CLMN: variants seen among roughly 807,000 people sequenced by gnomAD.
The protein encoded by CLMN is calmin, also known as calmin (calponin-like, transmembrane).
CLMN carries 57 observed loss-of-function variants against 92.7 expected under a neutral mutation model. The observed-to-expected ratio is 0.61, with a 90% confidence interval of 0.50 to 0.77. The LOEUF (loss-of-function observed/expected upper bound fraction) is 0.77. Ranked by LOEUF, CLMN falls within the 30% of genes least tolerant of loss-of-function variation. The pLI, the probability that CLMN is intolerant of heterozygous loss-of-function variation, is 0.00. For missense variants in CLMN, 1,158 were observed against 1,237.5 expected (o/e 0.94, Z 0.96); for synonymous variants, 466 against 470.6 (o/e 0.99, Z 0.13).
At chr14:95,217,168 A>T (rs1453391295) in intron 4 of CLMN, among the ~76,000 whole-genome samples, 1 of 152,242 alleles carries the variant, frequency 6.6e-6, no homozygotes, top group Non-Finnish European at 1.5e-5. Flanking sequence ...GAGAAAGAGA[A>T]AGTCAAGATA....
At chr14:95,235,280 C>A (rs1013342015) in intron 1 of CLMN, among the ~76,000 whole-genome samples, 2 of 152,230 alleles carry the variant, frequency 1.3e-5, no homozygotes, top group African/African-American at 4.8e-5. Context: ...GGACTCCAGA[C>A]CTACTGCCTC....
Position 95,319,724 on chromosome 14 carries a change from C to T in CLMN, c.69G>A (p.Val23=). The T allele has an allele frequency of 6.3e-7, 1 of 1,598,694 alleles. No homozygotes were observed. Among genetic ancestry groups the T allele is most frequent in the African/African-American group, 1.4e-5 (1 of 73,842 alleles). ...GGGCTGCGTTACCTTGCAGGTTCTG[C>T]ACTCGGATGTCGCTAATCTGCCCGA... The part of the protein sequence containing the change: ...ELIGQISDIR[V]QNLQVERENV... The change falls in exon 1 of 13, where the codon GTG becomes GTA. Residue 23 remains valine (V), a synonymous_variant. Coordinates refer to ENST00000298912, the MANE Select transcript of CLMN (RefSeq NM_024734.4).
intron 1 of CLMN, among the ~76,000 whole-genome samples, chr14:95,310,279 C>G (rs1476277838): frequency 6.6e-6 from 1 of 152,214 alleles, no homozygotes; most frequent in Non-Finnish European, 1.5e-5. Flanking sequence ...CAAAAACGAC[C>G]TAACACAAGG....
At chr14:95,229,554 C>G (rs974368013) in intron 2 of CLMN, among the ~76,000 whole-genome samples, 1 of 152,018 alleles carries the variant, frequency 6.6e-6, no homozygotes, top group East Asian at 1.9e-4. Context: ...TAATTCAAGT[C>G]GTCATGAGGA....
rs534548540 is a variant in CLMN at position 95,301,646 on chromosome 14, C to G, written c.82+18065G>C. The stretch of plus-strand genomic sequence containing the variant: ...CTGCCCACCCAGGATGGACCGGTCA[C>G]CTTCCTGAACAACCAGCACATTCCT... On this transcript the variant is annotated intron_variant, in intron 1 of 12. Transcript: ENST00000298912. Among the ~76,000 whole-genome samples, 20 of 152,376 alleles carry G rather than the reference C, an allele frequency of 1.3e-4. 1 individual carries two copies. In the East Asian group the frequency reaches 3.9e-3, roughly 29 times the overall value.
At chr14:95,255,585 A>G (rs1898965727) in intron 1 of CLMN, among the ~76,000 whole-genome samples, 1 of 152,188 alleles carries the variant, frequency 6.6e-6, no homozygotes, top group South Asian at 2.1e-4. Flanking sequence ...CCTGCAGAGA[A>G]GGAGGCAGTA....
At chr14:95,250,818 T>C (rs772090575) in intron 1 of CLMN, among the ~76,000 whole-genome samples, 17 of 152,172 alleles carry the variant, frequency 1.1e-4, no homozygotes, top group Non-Finnish European at 2.1e-4. Flanking sequence ...GGCTCATGAA[T>C]ACTGTATATT....
intron 1 of CLMN, among the ~76,000 whole-genome samples, chr14:95,273,158 C>A (rs560452314): frequency 1.5e-3 from 228 of 152,282 alleles, no homozygotes; most frequent in Middle Eastern, 6.8e-3. Context: ...AGCAGCCCTG[C>A]AAATTGTGAT....
rs1900742346 is a variant in CLMN, at chr14:95,294,889, G to A, written c.82+24822C>T. ...CTTAGCTGTGGTTTTGGCCAGGGCT[G>A]CATTCTTCCACCTGGGCCCCCAGCT... On this transcript the variant is annotated intron_variant, in intron 1 of 12. Coordinates refer to ENST00000298912, the MANE Select transcript of CLMN (RefSeq NM_024734.4). The surrounding 1 kb of genome is among the most constrained non-coding windows in gnomAD (Gnocchi z 4.2). 6.6e-6 allele frequency among the ~76,000 whole-genome samples: 1 copy of A among 152,220 alleles called. No individual in the cohort carries two copies. The highest frequency in any genetic ancestry group is 1.5e-5 in the Non-Finnish European group (1 of 68,046).
intron 1 of CLMN, among the ~76,000 whole-genome samples, chr14:95,286,640 A>C (rs1438914403): frequency 6.6e-6 from 1 of 152,244 alleles, no homozygotes; most frequent in Non-Finnish European, 1.5e-5. Context: ...TTTTCGGCTC[A>C]GTTACAAAAT....
At chr14:95,202,700 C>A in intron 9 of CLMN, 138 bp downstream of exon 9, 1 of 941,856 alleles carries the variant, frequency 1.1e-6, no homozygotes, top group South Asian at 2.3e-5. Context: ...GTAGGTGCCT[C>A]TTTGAATTTT....
intron 12 of CLMN, 121 bp downstream of exon 12, chr14:95,193,728 C>T: frequency 1.6e-6 from 2 of 1,221,676 alleles, no homozygotes; most frequent in Admixed American, 2.4e-5. Context: ...TTGCATTATC[C>T]CAAATTATTA....
intron 1 of CLMN, among the ~76,000 whole-genome samples, chr14:95,290,886 G>C (rs764680188): frequency 6.6e-6 from 1 of 152,076 alleles, no homozygotes; most frequent in African/African-American, 2.4e-5. Flanking sequence ...TTCTATGAAG[G>C]GTGGTAGCCT....
chr14:95,284,184 G>T (rs1900250996), intron 1 of CLMN, among the ~76,000 whole-genome samples: 1 of 152,220 alleles, frequency 6.6e-6, no homozygotes, highest in African/African-American at 2.4e-5. Context: ...GAGCTTCCAT[G>T]TGGTGTTGAG....
In CLMN at chr14:95,194,331, TCA is replaced by T; in HGVS notation, c.2769+203_2769+204del. The T allele has an allele frequency of 3.5e-6, 5 of 1,426,034 alleles. No homozygotes were observed. Among genetic ancestry groups the T allele is most frequent in the Non-Finnish European group, 3.7e-6 (4 of 1,093,594 alleles). 88.3% of individuals were successfully genotyped at this position (1,426,034 alleles called of 1,614,324 possible). On this transcript the variant is annotated intron_variant, in intron 11 of 12. Transcript: ENST00000298912. The surrounding 1 kb of genome is among the most constrained non-coding windows in gnomAD (Gnocchi z 4.0). The stretch of plus-strand genomic sequence containing the variant: ...AGGAGGCCTTTGGGCTTTAAAATCC[TCA>T]CTTTATTTACATCTCTTATTGCCCA...
intron 1 of CLMN, among the ~76,000 whole-genome samples, chr14:95,292,499 A>C (rs1377405368): frequency 2.4e-5 from 3 of 126,768 alleles, no homozygotes; most frequent in Admixed American, 1.9e-4. Flanking sequence ...GCCCTCCAGG[A>C]GGTGTAAGTA....
chr14:95,256,289 A>G lies in CLMN; in HGVS notation c.83-26156T>C, dbSNP rs1401800395. On this transcript the variant is annotated intron_variant, in intron 1 of 12. Coordinates refer to ENST00000298912, the MANE Select transcript of CLMN (RefSeq NM_024734.4). This position sits in a 1 kb window ranked among gnomAD's most constrained non-coding sequence, Gnocchi z 4.9. Reference sequence around the variant, plus strand: ...CCTGCCTCCTTTAAAACCCAGTTCTATTCACAAAAGAGCACAGACTGATCA... The same window carrying G: ...CCTGCCTCCTTTAAAACCCAGTTCTGTTCACAAAAGAGCACAGACTGATCA... 6.6e-6 allele frequency among the ~76,000 whole-genome samples: 1 copy of G among 152,204 alleles called. No individual in the cohort carries two copies. The highest frequency in any genetic ancestry group is 1.5e-5 in the Non-Finnish European group (1 of 68,026).
At chr14:95,258,526 G>A (rs1481673729) in intron 1 of CLMN, among the ~76,000 whole-genome samples, 1 of 147,340 alleles carries the variant, frequency 6.8e-6, no homozygotes, top group East Asian at 2.1e-4. Context: ...GGTGTGTGAT[G>A]TGTGCGGAGG....
intron 1 of CLMN, among the ~76,000 whole-genome samples, chr14:95,285,897 C>T (rs1900323257): frequency 6.6e-6 from 1 of 152,220 alleles, no homozygotes; most frequent in Non-Finnish European, 1.5e-5. Flanking sequence ...CCAGACTTCA[C>T]TTCAAAATCC....
Sources: gnomAD v4.1 joint callset for allele counts (sites outside exome capture counted in the v4.1 genomes callset) on GRCh38, gnomAD v4.1.1 for gene constraint, Gnocchi (gnomAD v3.1) non-coding constraint, MANE v1.5 for transcripts, NCBI Gene and HGNC (gene_info 2026-07-23, HGNC 2026-07-21) for gene names.